Variants in FRMD6 observed in about 807,000 individuals in gnomAD.
The protein encoded by FRMD6 is FERM domain-containing protein 6.
In FRMD6, 37 loss-of-function variants were observed where a neutral mutation model predicts 73.2. That is an observed-to-expected ratio of 0.51 (90% CI 0.39 to 0.66). The LOEUF (loss-of-function observed/expected upper bound fraction) is 0.66, where lower values mean the gene tolerates loss of function less well. FRMD6 is among the 30% of genes least tolerant of loss of function. The probability of loss-of-function intolerance (pLI) is 0.00; values close to 1 mark genes in which losing one functional copy is unlikely to be tolerated. For missense variants in FRMD6, 714 were observed against 780.5 expected (o/e 0.91, Z 1.02); for synonymous variants, 273 against 282.2 (o/e 0.97, Z 0.33).
intron 2 of FRMD6, among the ~76,000 whole-genome samples, chr14:51,591,122 T>C (rs1331688106): frequency 3.9e-5 from 6 of 152,182 alleles, no homozygotes; most frequent in Non-Finnish European, 8.8e-5. Flanking sequence ...AGAACTTCTC[T>C]GTCACCTCTG....
chr14:51,507,641 C>T (rs996626271), intron 1 of FRMD6, among the ~76,000 whole-genome samples: 1 of 152,174 alleles, frequency 6.6e-6, no homozygotes, highest in African/African-American at 2.4e-5. Flanking sequence ...GGACCTCCTC[C>T]TCTTTCCCCT....
At chr14:51,540,830 T>C (rs1441031479) in intron 1 of FRMD6, among the ~76,000 whole-genome samples, 1 of 152,160 alleles carries the variant, frequency 6.6e-6, no homozygotes, top group Non-Finnish European at 1.5e-5. Context: ...TATAGCTTAC[T>C]AGTCATGGTT....
At chr14:51,398,530 T>C in the FRMD6 span, among the ~76,000 whole-genome samples, 5 of 152,146 alleles carry the variant, frequency 3.3e-5, no homozygotes, top group Non-Finnish European at 7.3e-5. Context: ...GTTAATTAAA[T>C]AGCCAATATT....
chr14:51,715,367 C>T lies in FRMD6; in HGVS notation c.892C>T (p.Arg298Trp), dbSNP rs749664735. The T allele has an allele frequency of 5.6e-6, 9 of 1,601,150 alleles. No individual in the cohort carries two copies. The highest frequency in any genetic ancestry group is 2.2e-5 in the South Asian group (2 of 88,920). Residue 298 changes from arginine (R) to tryptophan (W), a missense_variant, in exon 10 of 14, where the codon CGG (arginine) becomes TGG (tryptophan). Transcript: ENST00000344768. The part of the protein sequence containing the change: ...EILPDGLPSA[R>W]KLIYYTGCPM... ...TTTGCCAGATGGCTTGCCTTCTGCC[C>T]GGAAGCTCATATACTACACGGGGTG...
intron 2 of FRMD6, among the ~76,000 whole-genome samples, chr14:51,638,191 G>C (rs1233367597): frequency 6.6e-6 from 1 of 152,084 alleles, no homozygotes; most frequent in Admixed American, 6.6e-5. Context: ...GGCTGAGGTG[G>C]GGGGATCACG....
At chr14:51,567,338 A>C (rs797007502) in intron 1 of FRMD6, among the ~76,000 whole-genome samples, 1 of 151,994 alleles carries the variant, frequency 6.6e-6, no homozygotes, top group Non-Finnish European at 1.5e-5. Flanking sequence ...ATGACTACCC[A>C]TCTGTTTTTG....
At chr14:51,667,176 A>C (rs1156702833) in intron 1 of FRMD6, among the ~76,000 whole-genome samples, 1 of 152,176 alleles carries the variant, frequency 6.6e-6, no homozygotes, top group Non-Finnish European at 1.5e-5. Context: ...AATAGCTTAC[A>C]AAAACAACTT....
chr14:51,471,663 C>T, the FRMD6 span, among the ~76,000 whole-genome samples: 22 of 151,998 alleles, frequency 1.4e-4, no homozygotes, highest in Admixed American at 2.6e-4. Context: ...TCAGTTAATA[C>T]AGTTGAAGAA....
At chr14:51,583,641 G>T (rs1268240682) in intron 2 of FRMD6, among the ~76,000 whole-genome samples, 2 of 152,188 alleles carry the variant, frequency 1.3e-5, no homozygotes, top group Non-Finnish European at 2.9e-5. Context: ...GCCACAGAAA[G>T]GTTAACTAAC....
upstream of FRMD6, among the ~76,000 whole-genome samples, chr14:51,484,806 C>T (rs1266558858): frequency 6.6e-6 from 1 of 152,168 alleles, no homozygotes; most frequent in East Asian, 1.9e-4. Flanking sequence ...TTCACATCTC[C>T]CACTTCCTAT....
chr14:51,459,891 T>A, the FRMD6 span, among the ~76,000 whole-genome samples: 27 of 107,388 alleles, frequency 2.5e-4, no homozygotes, highest in Non-Finnish European at 4.5e-4. Context: ...TCTCTTTTTT[T>A]TTTTTTTTTT....
At chr14:51,615,533 G>C (rs1316072051) in intron 2 of FRMD6, among the ~76,000 whole-genome samples, 2 of 152,160 alleles carry the variant, frequency 1.3e-5, no homozygotes, top group Non-Finnish European at 2.9e-5. Flanking sequence ...GGGCCTGCAG[G>C]AATGAAAATC....
intron 1 of FRMD6, among the ~76,000 whole-genome samples, chr14:51,686,145 C>G (rs1895134933): frequency 7.1e-6 from 1 of 140,132 alleles, no homozygotes. Context: ...TTCTGGTGAC[C>G]TACTTTTAAT....
At chr14:51,534,480 T>A (rs898589799) in intron 1 of FRMD6, among the ~76,000 whole-genome samples, 1 of 152,250 alleles carries the variant, frequency 6.6e-6, no homozygotes. Flanking sequence ...CTAGAAGTTT[T>A]CCTTTTAAAA....
At chr14:51,462,268 C>T in the FRMD6 span, among the ~76,000 whole-genome samples, 2 of 152,172 alleles carry the variant, frequency 1.3e-5, no homozygotes, top group Non-Finnish European at 2.9e-5. Context: ...AGCCTGAGAT[C>T]CTCTTCTCTT....
At chr14:51,566,902 G>A (rs1350109483) in intron 1 of FRMD6, among the ~76,000 whole-genome samples, 1 of 152,162 alleles carries the variant, frequency 6.6e-6, no homozygotes, top group Non-Finnish European at 1.5e-5. Context: ...CACAGAATTG[G>A]TTGAGGTTGA....
chr14:51,477,438 C>A, the FRMD6 span, among the ~76,000 whole-genome samples: 27 of 152,002 alleles, frequency 1.8e-4, no homozygotes, highest in African/African-American at 6.5e-4. Context: ...TTTTAATTTG[C>A]AGCCCCATTG....
the FRMD6 span, chr14:51,436,773 A>G: frequency 7.4e-6 from 4 of 542,240 alleles, no homozygotes; most frequent in Non-Finnish European, 1.3e-5. Context: ...GAAGGAGAAG[A>G]TGATGATGAA....
chr14:51,625,080 C>G (rs1891067235), intron 2 of FRMD6, among the ~76,000 whole-genome samples: 1 of 152,176 alleles, frequency 6.6e-6, no homozygotes, highest in East Asian at 1.9e-4. Flanking sequence ...GCAAAATTAT[C>G]ATAATTTCAA....
Sources: allele counts gnomAD v4.1 joint callset (sites outside exome capture counted in the v4.1 genomes callset), GRCh38; gene constraint gnomAD v4.1.1; transcripts MANE v1.5; gene names NCBI Gene and HGNC (gene_info 2026-07-23, HGNC 2026-07-21).